Variants in CLSTN2 observed in about 807,000 individuals in gnomAD.
CLSTN2 encodes the protein calsyntenin 2, also known as calsyntenin-2.
A neutral mutation model predicts 101.2 loss-of-function variants in CLSTN2; 48 were observed. The ratio of observed to expected loss-of-function variants is 0.47; its 90% confidence interval spans 0.38 to 0.60. The LOEUF (loss-of-function observed/expected upper bound fraction) is 0.60. Ranked by LOEUF, CLSTN2 falls within the 20% of genes least tolerant of loss-of-function variation. The pLI, the probability that CLSTN2 is intolerant of heterozygous loss-of-function variation, is 0.00. For missense variants in CLSTN2, 1,160 were observed against 1,238.2 expected (o/e 0.94, Z 0.95); for synonymous variants, 481 against 463.6 (o/e 1.04, Z -0.48).
At chr3:140,135,081 CAAAA>C (rs1171033076) in intron 1 of CLSTN2, among the ~76,000 whole-genome samples, 22 of 62,702 alleles carry the variant, frequency 3.5e-4, no homozygotes, top group South Asian at 7.6e-4. Context: ...TGATGCCTCT[CAAAA>C]AAACACACAC....
intron 8 of CLSTN2, among the ~76,000 whole-genome samples, chr3:140,468,090 G>A (rs942740769): frequency 2.0e-5 from 3 of 152,144 alleles, no homozygotes; most frequent in African/African-American, 7.2e-5. Context: ...TAAAAATATG[G>A]CATCTTGATT....
chr3:140,390,620 GT>G (rs2088103155), intron 2 of CLSTN2, among the ~76,000 whole-genome samples: 1 of 152,214 alleles, frequency 6.6e-6, no homozygotes, highest in Non-Finnish European at 1.5e-5. Flanking sequence ...AATGGTGATA[GT>G]GTTATTTATA....
chr3:139,957,966 A>T (rs1184608532), intron 1 of CLSTN2, among the ~76,000 whole-genome samples: 2 of 152,036 alleles, frequency 1.3e-5, no homozygotes, highest in African/African-American at 4.8e-5. Context: ...TGTTTTTCTG[A>T]TTCTCTTTTC....
chr3:140,321,581 C>T (rs2087283336), intron 2 of CLSTN2, among the ~76,000 whole-genome samples: 1 of 152,128 alleles, frequency 6.6e-6, no homozygotes, highest in Non-Finnish European at 1.5e-5. Flanking sequence ...AGCTGATAGT[C>T]CTTAAATTTT....
chr3:140,542,616 A>G (rs1366680403), intron 9 of CLSTN2, among the ~76,000 whole-genome samples: 2 of 152,160 alleles, frequency 1.3e-5, no homozygotes, highest in African/African-American at 4.8e-5. Context: ...TTCAAATTTT[A>G]TACTGGCCTC....
intron 8 of CLSTN2, among the ~76,000 whole-genome samples, chr3:140,487,957 T>C (rs1041705373): frequency 6.6e-6 from 1 of 152,234 alleles, no homozygotes; most frequent in African/African-American, 2.4e-5. Flanking sequence ...ACTTGAAGAA[T>C]TATTTGATAT....
chr3:140,352,024 G>T (rs1426204523), intron 2 of CLSTN2, among the ~76,000 whole-genome samples: 1 of 152,164 alleles, frequency 6.6e-6, no homozygotes, highest in Non-Finnish European at 1.5e-5. Flanking sequence ...ACCTTGGCAA[G>T]AAAATGAGAC....
intron 1 of CLSTN2, among the ~76,000 whole-genome samples, chr3:139,997,287 AT>A (rs1311587850): frequency 6.6e-6 from 1 of 152,142 alleles, no homozygotes; most frequent in East Asian, 1.9e-4. Context: ...GTGAAGTCAA[AT>A]GTATCAATCT....
chr3:140,431,683 C>A (rs992079513), intron 5 of CLSTN2, among the ~76,000 whole-genome samples: 1 of 152,180 alleles, frequency 6.6e-6, no homozygotes, highest in Non-Finnish European at 1.5e-5. Flanking sequence ...TAAGCATATG[C>A]CCTGAACCCC....
intron 5 of CLSTN2, among the ~76,000 whole-genome samples, chr3:140,421,508 C>T (rs1041340153): frequency 6.6e-6 from 1 of 152,178 alleles, no homozygotes; most frequent in Admixed American, 6.5e-5. Context: ...TTGTCCAGTG[C>T]TCCCTTTCTC....
At chr3:140,197,396 A>G (rs1355354112) in intron 2 of CLSTN2, among the ~76,000 whole-genome samples, 4 of 152,210 alleles carry the variant, frequency 2.6e-5, no homozygotes, top group African/African-American at 4.8e-5. Context: ...ATCACTAAAT[A>G]TATATAAAAT....
At chr3:140,368,379 C>T (rs951464237) in intron 2 of CLSTN2, among the ~76,000 whole-genome samples, 3 of 152,102 alleles carry the variant, frequency 2.0e-5, no homozygotes, top group Non-Finnish European at 4.4e-5. Flanking sequence ...GGGAGTGATG[C>T]CAGGTTGTTC....
intron 2 of CLSTN2, among the ~76,000 whole-genome samples, chr3:140,241,524 C>T (rs542384120): frequency 6.6e-6 from 1 of 152,136 alleles, no homozygotes; most frequent in Non-Finnish European, 1.5e-5. Context: ...TGACTCATGT[C>T]CTGTAACTGT....
At chr3:140,489,808 G>A (rs1934307656) in intron 8 of CLSTN2, among the ~76,000 whole-genome samples, 1 of 151,368 alleles carries the variant, frequency 6.6e-6, no homozygotes, top group African/African-American at 2.4e-5. Flanking sequence ...GGTAACTGTG[G>A]CTTGGAAAGA....
intron 9 of CLSTN2, among the ~76,000 whole-genome samples, 197 bp downstream of exon 9, chr3:140,532,683 C>T (rs1429437041): frequency 6.6e-6 from 1 of 152,118 alleles, no homozygotes; most frequent in Non-Finnish European, 1.5e-5. Flanking sequence ...AGCTTAAGGC[C>T]AGATTTTGAT....
chr3:140,288,363 A>G (rs890052563), intron 2 of CLSTN2, among the ~76,000 whole-genome samples: 8 of 152,096 alleles, frequency 5.3e-5, no homozygotes, highest in Non-Finnish European at 1.0e-4. Flanking sequence ...GTGTGCTGCC[A>G]TCTCCCCTCC....
At chr3:140,519,570 C>T (rs1434748552) in intron 8 of CLSTN2, among the ~76,000 whole-genome samples, 1 of 152,092 alleles carries the variant, frequency 6.6e-6, no homozygotes, top group Non-Finnish European at 1.5e-5. Flanking sequence ...GAATTGAACC[C>T]TTTACCAGTA....
At chr3:140,199,572 C>T (rs1035529081) in intron 2 of CLSTN2, among the ~76,000 whole-genome samples, 1 of 152,206 alleles carries the variant, frequency 6.6e-6, no homozygotes, top group Non-Finnish European at 1.5e-5. Flanking sequence ...CTAGGAGCCG[C>T]CCAGGCCCCT....
intron 1 of CLSTN2, among the ~76,000 whole-genome samples, chr3:140,141,685 T>C (rs1228063401): frequency 6.6e-6 from 1 of 152,220 alleles, no homozygotes; most frequent in Non-Finnish European, 1.5e-5. Context: ...CAGCATCTTA[T>C]GCTGCCCGGG....
Sources: allele counts gnomAD v4.1 joint callset (sites outside exome capture counted in the v4.1 genomes callset), GRCh38; gene constraint gnomAD v4.1.1; transcripts MANE v1.5; gene names NCBI Gene and HGNC (gene_info 2026-07-23, HGNC 2026-07-21).